The following PIBF1 variants were observed in gnomAD, a reference collection of about 807,000 sequenced individuals.
PIBF1 encodes progesterone immunomodulatory binding factor 1, also known as progesterone-induced-blocking factor 1.
In PIBF1, 90 loss-of-function variants were observed where a neutral mutation model predicts 112.5. That is an observed-to-expected ratio of 0.80 (90% CI 0.67 to 0.95). The LOEUF is 0.95. Ranked by LOEUF, PIBF1 falls within the 40% of genes least tolerant of loss-of-function variation. The pLI is 0.00. For missense variants in PIBF1, 915 were observed against 852.3 expected, an observed-to-expected ratio of 1.07 and a Z score of -0.92; for synonymous variants, 301 against 288.6, an observed-to-expected ratio of 1.04 and a Z score of -0.44.
chr13:72,800,859 A>G (rs796318811), intron 5 of PIBF1, among the ~76,000 whole-genome samples: 24 of 152,352 alleles, frequency 1.6e-4, no homozygotes, highest in African/African-American at 5.8e-4. Flanking sequence ...TGAGTGCTAT[A>G]TGGAGAGCAG....
At chr13:72,989,059 T>G (rs2043391859) in intron 16 of PIBF1, among the ~76,000 whole-genome samples, 1 of 151,968 alleles carries the variant, frequency 6.6e-6, no homozygotes, top group African/African-American at 2.4e-5. Flanking sequence ...AAAGAAATTA[T>G]CTGAGATCTG....
intron 9 of PIBF1, among the ~76,000 whole-genome samples, chr13:72,842,155 A>G (rs1019833274): frequency 1.3e-5 from 2 of 152,128 alleles, no homozygotes; most frequent in African/African-American, 4.8e-5. Flanking sequence ...TATGTTTCCT[A>G]ATTAGGTTAT....
At chr13:72,918,871 T>A (rs1448031746) in intron 13 of PIBF1, among the ~76,000 whole-genome samples, 1 of 151,830 alleles carries the variant, frequency 6.6e-6, no homozygotes, top group African/African-American at 2.4e-5. Flanking sequence ...GCCTGGCTAA[T>A]TTTTGTATTT....
intron 17 of PIBF1, among the ~76,000 whole-genome samples, chr13:73,014,298 A>G (rs1293634308): frequency 6.6e-6 from 1 of 152,270 alleles, no homozygotes; most frequent in East Asian, 1.9e-4. Flanking sequence ...ATTAGATAGA[A>G]GCAGAGAGAA....
chr13:72,913,027 A>G (rs1415087604), intron 12 of PIBF1, among the ~76,000 whole-genome samples: 1 of 151,742 alleles, frequency 6.6e-6, no homozygotes, highest in African/African-American at 2.4e-5. Flanking sequence ...GAAGTAATCT[A>G]TGATGAAAAA....
chr13:72,951,012 T>C (rs2042281305), intron 14 of PIBF1, among the ~76,000 whole-genome samples: 1 of 152,238 alleles, frequency 6.6e-6, no homozygotes, highest in South Asian at 2.1e-4. Context: ...ATCAGACCTA[T>C]AGATGCTGCA....
At chr13:72,925,829 A>G (rs1455308102) in intron 13 of PIBF1, among the ~76,000 whole-genome samples, 2 of 152,104 alleles carry the variant, frequency 1.3e-5, no homozygotes, top group East Asian at 3.8e-4. Context: ...GGCATGAGCC[A>G]CCGCACCCGG....
At chr13:72,930,296 C>T (rs1454337065) in intron 13 of PIBF1, among the ~76,000 whole-genome samples, 1 of 151,948 alleles carries the variant, frequency 6.6e-6, no homozygotes, top group African/African-American at 2.4e-5. Context: ...TAAAACATTC[C>T]ATCTAGGATT....
intron 5 of PIBF1, among the ~76,000 whole-genome samples, chr13:72,815,836 T>G (rs1006214421): frequency 2.0e-5 from 3 of 152,146 alleles, no homozygotes; most frequent in Non-Finnish European, 4.4e-5. Flanking sequence ...GTTAATACTG[T>G]TAAGGCTTAT....
chr13:72,830,219 G>T (rs2037036082), intron 8 of PIBF1, among the ~76,000 whole-genome samples: 1 of 152,030 alleles, frequency 6.6e-6, no homozygotes, highest in Admixed American at 6.6e-5. Flanking sequence ...TGTCATCAAC[G>T]AACTGAGACA....
At chr13:72,916,974 TA>T (rs1282306056) in intron 12 of PIBF1, 101 bp from the exon 13 acceptor site, 2 of 610,588 alleles carry the variant, frequency 3.3e-6, no homozygotes, top group Non-Finnish European at 5.5e-6. Flanking sequence ...CTAATGTTTT[TA>T]TCCTCCCTAA....
intron 17 of PIBF1, among the ~76,000 whole-genome samples, chr13:73,004,069 T>C (rs1346979232): frequency 6.6e-6 from 1 of 152,172 alleles, no homozygotes; most frequent in Non-Finnish European, 1.5e-5. Flanking sequence ...AGAGAAAGAA[T>C]AGACACTGTG....
At chr13:72,936,808 T>C (rs2041883119) in intron 14 of PIBF1, among the ~76,000 whole-genome samples, 1 of 152,198 alleles carries the variant, frequency 6.6e-6, no homozygotes, top group South Asian at 2.1e-4. Flanking sequence ...TGTTAATTTT[T>C]TTTTCAAAAA....
At chr13:72,866,477 A>G (rs776770004) in intron 10 of PIBF1, among the ~76,000 whole-genome samples, 10 of 152,192 alleles carry the variant, frequency 6.6e-5, no homozygotes, top group Non-Finnish European at 1.5e-4. Flanking sequence ...TCTATGGACT[A>G]TCTTTCAACC....
chr13:72,906,179 T>A (rs1337238183), intron 11 of PIBF1, among the ~76,000 whole-genome samples: 1 of 152,150 alleles, frequency 6.6e-6, no homozygotes, highest in African/African-American at 2.4e-5. Flanking sequence ...TTCTGGGCTT[T>A]TACCCAGTAT....
At chr13:72,944,091 C>T (rs1758945146) in intron 14 of PIBF1, among the ~76,000 whole-genome samples, 2 of 151,926 alleles carry the variant, frequency 1.3e-5, no homozygotes. Flanking sequence ...GTAAATCTGG[C>T]AATTTTTAAA....
chr13:72,861,574 A>G (rs930261960), intron 10 of PIBF1, among the ~76,000 whole-genome samples: 5 of 152,114 alleles, frequency 3.3e-5, no homozygotes, highest in African/African-American at 7.2e-5. Flanking sequence ...TCATATTTCT[A>G]TATACTTTTA....
At chr13:72,792,680 C>A in intron 3 of PIBF1, 133 bp downstream of exon 3, 2 of 555,070 alleles carry the variant, frequency 3.6e-6, no homozygotes, top group African/African-American at 2.0e-5. Context: ...AATTTTTACA[C>A]CTAGACCACA....
intron 10 of PIBF1, among the ~76,000 whole-genome samples, chr13:72,875,721 G>A (rs2039368136): frequency 6.6e-6 from 1 of 152,010 alleles, no homozygotes; most frequent in African/African-American, 2.4e-5. Context: ...CGTGTTTATT[G>A]GCCATCACTG....
Sources: allele counts gnomAD v4.1 joint callset (sites outside exome capture counted in the v4.1 genomes callset), GRCh38; gene constraint gnomAD v4.1.1; transcripts MANE v1.5; gene names NCBI Gene and HGNC (gene_info 2026-07-23, HGNC 2026-07-21).